WBP4: variants seen among roughly 807,000 people sequenced by gnomAD.
The protein encoded by WBP4 is WW domain binding protein 4, also known as WW domain-binding protein 4.
WBP4 carries 37 observed loss-of-function variants against 55.4 expected under a neutral mutation model. The ratio of observed to expected loss-of-function variants is 0.67; its 90% confidence interval spans 0.51 to 0.88. The LOEUF (loss-of-function observed/expected upper bound fraction) is 0.88, where lower values mean the gene tolerates loss of function less well. WBP4 is among the 40% of genes least tolerant of loss of function. WBP4 has a pLI of 0.00. For missense variants in WBP4, 398 were observed against 420.8 expected (o/e 0.95, Z 0.47); for synonymous variants, 142 against 140.2 (o/e 1.01, Z -0.09).
chr13:41,076,021 T>C (rs1482437745), intron 7 of WBP4, 23 bp from the exon 8 acceptor site: 4 of 1,598,636 alleles, frequency 2.5e-6, no homozygotes, highest in Admixed American at 3.7e-5. Context: ...CTAAATAACA[T>C]GACTTTAAAA....
At chr13:41,069,990 G>T (rs117040949) in intron 5 of WBP4, among the ~76,000 whole-genome samples, 2 of 151,180 alleles carry the variant, frequency 1.3e-5, no homozygotes, top group African/African-American at 2.4e-5. Context: ...TTTTTACTCC[G>T]TATACATTTT....
At chr13:41,073,096 TTAAAAA>T (rs1278431261) in intron 7 of WBP4, among the ~76,000 whole-genome samples, 2 of 152,248 alleles carry the variant, frequency 1.3e-5, no homozygotes, top group Non-Finnish European at 1.5e-5. Context: ...ATTCACAAAC[TTAAAAA>T]TAGAATCATT....
At chr13:41,067,339 A>C (rs2138464295) in intron 4 of WBP4, among the ~76,000 whole-genome samples, 1 of 152,346 alleles carries the variant, frequency 6.6e-6, no homozygotes, top group Middle Eastern at 3.4e-3. Context: ...CTACTTATTG[A>C]TCTTCTGCAA....
At chr13:41,062,096 GTTT>G (rs60658317) in intron 1 of WBP4, 11,644 of 780,400 alleles carry the variant, frequency 0.015, 2 homozygotes, top group South Asian at 0.02. Flanking sequence ...TAGCGTAATG[GTTT>G]TTTTTTTTTT....
chr13:41,080,285 C>T (rs978944357), intron 8 of WBP4, among the ~76,000 whole-genome samples: 3 of 152,080 alleles, frequency 2.0e-5, no homozygotes, highest in African/African-American at 7.2e-5. Flanking sequence ...TATAATCTTG[C>T]CGCCTCCCAG....
chr13:41,080,682 GA>G lies in WBP4; in HGVS notation c.796del (p.Thr266HisfsTer13). 1 of 1,598,744 alleles carries G rather than the reference GA, an allele frequency of 6.3e-7. No homozygotes were observed. Among genetic ancestry groups the G allele is most frequent in the Non-Finnish European group, 8.5e-7 (1 of 1,176,624 alleles). ...NKNSDGGSDP[E>X]TQKEKSIQKQ... ...AAATAGTGATGGAGGAAGTGACCCA[GA>G]AACACAGAAAGAAAAAAGTATTCAG... is the stretch of plus-strand genomic sequence containing the variant. On this transcript the variant is annotated frameshift_variant, in exon 9 of 10. Coordinates refer to ENST00000379487, the MANE Select transcript of WBP4 (RefSeq NM_007187.5). LOFTEE classifies it high-confidence loss of function.
In WBP4 at chr13:41,071,083, T is replaced by C. The variant is rs1281909964; in HGVS notation, c.440-444T>C. Among the ~76,000 whole-genome samples the C allele has an allele frequency of 2.0e-5, 3 of 152,222 alleles. No homozygotes were observed. The East Asian group carries it at 5.8e-4, about 29-fold the overall frequency. ...TCCCTTCCAATGCTTATTGCTTGCC[T>C]CTCTTTTTCAGCATCCTACTTTATA... On this transcript the variant is annotated intron_variant, in intron 5 of 9. Transcript: ENST00000379487.
intron 8 of WBP4, among the ~76,000 whole-genome samples, chr13:41,078,567 C>G (rs1409176831): frequency 6.6e-6 from 1 of 152,160 alleles, no homozygotes; most frequent in Non-Finnish European, 1.5e-5. Flanking sequence ...GTGGCTCACA[C>G]CTGTAATCCC....
Position 41,076,095 on chromosome 13 carries a change from C to T in WBP4, c.614C>T (p.Pro205Leu), listed in dbSNP as rs1483915382. 1 of 1,613,352 alleles carries T rather than the reference C, an allele frequency of 6.2e-7. No homozygotes were observed. The highest frequency in any genetic ancestry group is 1.7e-5 in the Admixed American group (1 of 59,844). Residue 205 changes from proline (P) to leucine (L), a missense_variant, in exon 8 of 10, where the codon CCT (proline) becomes CTT (leucine). Transcript: ENST00000379487. ...TTCATTCCACACACTAGTGATCTGCCTTCTAGTAAGGTCAATGAAAATTCA... is the reference window on the plus strand; with the variant it reads ...TTCATTCCACACACTAGTGATCTGCTTTCTAGTAAGGTCAATGAAAATTCA... ...DDFIPHTSDLPSSKVNENSLG... is the reference protein window; with the variant it reads ...DDFIPHTSDLLSSKVNENSLG...
chr13:41,076,320 C>A, intron 8 of WBP4, 83 bp downstream of exon 8: 1 of 1,141,684 alleles, frequency 8.8e-7, no homozygotes, highest in East Asian at 2.7e-5. Context: ...TGTTCTGTCC[C>A]CAGGCTGGAG....
In WBP4 at chr13:41,065,078, G is replaced by A; in HGVS notation, c.138G>A (p.Glu46=). 1.2e-6 allele frequency: 2 copies of A among 1,600,460 alleles called. No homozygotes were observed. The highest frequency in any genetic ancestry group is 1.7e-6 in the Non-Finnish European group (2 of 1,176,430). Residue 46 remains glutamate (E), a splice_region_variant and synonymous_variant, in exon 3 of 10, where the codon GAG becomes GAA. Coordinates refer to ENST00000379487, the MANE Select transcript of WBP4 (RefSeq NM_007187.5). ...AAAATGTGGCAAAAAGGATCAGTGA[G>A]GTAATTTAGATTGTTTATTTGCTAA... ...HKENVAKRIS[E]IKQKSLDKAK...
intron 8 of WBP4, among the ~76,000 whole-genome samples, chr13:41,079,442 G>GC (rs1878661028): frequency 6.7e-6 from 1 of 150,300 alleles, no homozygotes; most frequent in African/African-American, 2.5e-5. Context: ...GCATGGTGGC[G>GC]CATGCAGGAG....
chr13:41,068,139 A>G (rs539921857), intron 4 of WBP4, among the ~76,000 whole-genome samples: 9 of 152,242 alleles, frequency 5.9e-5, no homozygotes, highest in Middle Eastern at 3.4e-3. Context: ...TAGTATACCC[A>G]TTGCCCAAAT....
chr13:41,063,193 A>G (rs1487074401), intron 2 of WBP4, among the ~76,000 whole-genome samples: 2 of 151,978 alleles, frequency 1.3e-5, no homozygotes, highest in South Asian at 2.1e-4. Context: ...CAAAGTAACA[A>G]CTCTGTTAGG....
chr13:41,071,366 C>T (rs1467148294), intron 5 of WBP4, among the ~76,000 whole-genome samples, 161 bp from the exon 6 acceptor site: 1 of 152,216 alleles, frequency 6.6e-6, no homozygotes, highest in African/African-American at 2.4e-5. Context: ...ATATTGTCTG[C>T]ACAGTACTGG....
chr13:41,065,596 GT>G (rs1338491276), intron 4 of WBP4, among the ~76,000 whole-genome samples: 1 of 152,138 alleles, frequency 6.6e-6, no homozygotes, highest in Non-Finnish European at 1.5e-5. Flanking sequence ...AGGTATTCTA[GT>G]TATTTGGCTA....
rs772526460 is a variant in WBP4, at chr13:41,082,886, A to G, written c.1103A>G (p.Asn368Ser). The G allele has an allele frequency of 6.2e-7, 1 of 1,614,050 alleles. No homozygotes were observed. The highest frequency in any genetic ancestry group is 8.5e-7 in the Non-Finnish European group (1 of 1,179,974). ...AGAACTGAAAATGGAAAATCTAGAA[A>G]TTTAAGGCAACGAGGTGATGATCAA... ...KRRTENGKSRNLRQRGDDQ is the reference protein window; with the variant it reads ...KRRTENGKSRSLRQRGDDQ The change falls in exon 10 of 10, where the codon AAT becomes AGT. Residue 368 changes from asparagine (N) to serine (S), a missense_variant. Coordinates refer to ENST00000379487, the MANE Select transcript of WBP4 (RefSeq NM_007187.5).
At chr13:41,068,823 T>C (rs1878100844) in intron 5 of WBP4, 86 bp downstream of exon 5, 2 of 1,355,380 alleles carry the variant, frequency 1.5e-6, no homozygotes, top group African/African-American at 1.5e-5. Context: ...TTTTATCTAA[T>C]GTTGGAGCAC....
At chr13:41,064,309 G>A (rs1877845081) in intron 2 of WBP4, among the ~76,000 whole-genome samples, 1 of 152,078 alleles carries the variant, frequency 6.6e-6, no homozygotes, top group Admixed American at 6.5e-5. Flanking sequence ...CTTAGAGATG[G>A]ATACCGTATT....
Sources: gnomAD v4.1 joint callset for allele counts (sites outside exome capture counted in the v4.1 genomes callset) on GRCh38, gnomAD v4.1.1 for gene constraint, MANE v1.5 for transcripts, NCBI Gene and HGNC (gene_info 2026-07-23, HGNC 2026-07-21) for gene names.